The following XYLT1 variants were observed in gnomAD, a reference collection of about 807,000 sequenced individuals.
The protein encoded by XYLT1 is beta-D-xylosyltransferase 1.
XYLT1 carries 36 observed loss-of-function variants against 91.3 expected under a neutral mutation model. The ratio of observed to expected loss-of-function variants is 0.39; its 90% CI spans 0.30 to 0.52. The LOEUF (loss-of-function observed/expected upper bound fraction) is 0.52. Among genes scored for constraint, XYLT1 ranks in the 20% least tolerant of loss-of-function variants. XYLT1 has a pLI of 0.68. For missense variants in XYLT1, 1,242 were observed against 1,284.5 expected, an observed-to-expected ratio of 0.97 and a Z score of 0.51; for synonymous variants, 588 against 532.0, an observed-to-expected ratio of 1.11 and a Z score of -1.45.
At chr16:17,339,883 C>T (rs1294180443) in intron 2 of XYLT1, among the ~76,000 whole-genome samples, 1 of 151,540 alleles carries the variant, frequency 6.6e-6, no homozygotes, top group African/African-American at 2.4e-5. Context: ...TCTGTGTATC[C>T]ATCATCATCC....
chr16:17,219,768 C>G (rs1444567955), intron 3 of XYLT1, among the ~76,000 whole-genome samples: 1 of 152,134 alleles, frequency 6.6e-6, no homozygotes, highest in African/African-American at 2.4e-5. Context: ...GTGGCTCACG[C>G]CTGTAATTCC....
chr16:17,420,218 C>T (rs991935923), intron 1 of XYLT1, among the ~76,000 whole-genome samples: 31 of 152,028 alleles, frequency 2.0e-4, no homozygotes, highest in African/African-American at 7.0e-4. Context: ...CTAGGTAATG[C>T]TAGAGTTATA....
intron 1 of XYLT1, among the ~76,000 whole-genome samples, chr16:17,417,666 T>C (rs1434595625): frequency 6.6e-6 from 1 of 152,246 alleles, no homozygotes; most frequent in African/African-American, 2.4e-5. Context: ...AGATTCAAGA[T>C]GGCTTCAAAT....
chr16:17,153,151 T>C (rs1324254018), intron 6 of XYLT1, among the ~76,000 whole-genome samples: 1 of 152,226 alleles, frequency 6.6e-6, no homozygotes, highest in Non-Finnish European at 1.5e-5. Context: ...ATCATCAACT[T>C]AATAGGCGCA....
At chr16:17,448,828 T>G (rs1016290840) in intron 1 of XYLT1, among the ~76,000 whole-genome samples, 2 of 152,110 alleles carry the variant, frequency 1.3e-5, no homozygotes, top group Non-Finnish European at 2.9e-5. Flanking sequence ...CCAGACACTG[T>G]GCTAAATGAG....
chr16:17,433,896 T>C (rs1307342532), intron 1 of XYLT1, among the ~76,000 whole-genome samples: 1 of 152,188 alleles, frequency 6.6e-6, no homozygotes, highest in African/African-American at 2.4e-5. Context: ...CGCTTTTTTT[T>C]CCTTCATTCC....
In XYLT1 at chr16:17,365,070, G is replaced by A. The variant is rs547189384; in HGVS notation, c.364-7020C>T. On this transcript the variant is annotated intron_variant, in intron 1 of 11. Transcript: ENST00000261381. ...CAGCCATCAAGTGTCGGATGCATGC[G>A]TGAAACTCTTAAGAGCGTTGGTGTT... 2.6e-5 allele frequency among the ~76,000 whole-genome samples: 4 copies of A among 152,276 alleles called. No homozygotes were observed. The South Asian group carries it at 6.2e-4, about 24-fold the overall frequency.
At position 17,216,947 on chromosome 16, in the gene XYLT1, T is replaced by A. The variant is rs369706134; in HGVS notation, c.914-16293A>T. Among the ~76,000 whole-genome samples, 188 of 152,322 alleles carry A rather than the reference T, an allele frequency of 1.2e-3. 3 individuals carry two copies. The South Asian group carries it at 0.036, about 29-fold the overall frequency. On this transcript the variant is annotated intron_variant, in intron 3 of 11. Coordinates refer to ENST00000261381, the MANE Select transcript of XYLT1 (RefSeq NM_022166.4). ...GCAATAGTCAACACAACATTTGGTT[T>A]TGCTCCTAGAGGGCAGGGATGGTGT... is the stretch of plus-strand genomic sequence containing the variant.
At chr16:17,206,105 CTGAT>C (rs143508309) in intron 3 of XYLT1, among the ~76,000 whole-genome samples, 132 of 152,270 alleles carry the variant, frequency 8.7e-4, no homozygotes, top group African/African-American at 3.1e-3. Flanking sequence ...CCGCCCCTCT[CTGAT>C]TGTCAGTTCT....
chr16:17,412,633 A>C (rs563046657), intron 1 of XYLT1, among the ~76,000 whole-genome samples: 1 of 152,194 alleles, frequency 6.6e-6, no homozygotes, highest in Non-Finnish European at 1.5e-5. Flanking sequence ...AGATTCTAAG[A>C]CATCAAAGTT....
rs1014397001 is a variant in XYLT1, at chr16:17,107,346, G to A, written c.*1349C>T. ...AAGGGAATCCCATCATTCAGGGGAG[G>A]TGGGATTACAGGAGCAAGGGAGGCC... is the stretch of plus-strand genomic sequence containing the variant. On this transcript the variant is annotated 3_prime_UTR_variant, in exon 12 of 12. Transcript: ENST00000261381. 1.3e-5 allele frequency: 2 copies of A among 152,164 alleles called. No individual in the cohort carries two copies. The highest frequency in any genetic ancestry group is 4.8e-5 in the African/African-American group (2 of 41,424). 9.4% of individuals were successfully genotyped at this position (152,164 alleles called of 1,614,324 possible).
chr16:17,141,543 G>A (rs140039132), intron 6 of XYLT1, among the ~76,000 whole-genome samples, 174 bp from the exon 7 acceptor site: 1 of 152,176 alleles, frequency 6.6e-6, no homozygotes, highest in Non-Finnish European at 1.5e-5. Flanking sequence ...CCCCACAAGT[G>A]AGGCATGTCA....
chr16:17,362,037 C>T (rs937943155), intron 1 of XYLT1, among the ~76,000 whole-genome samples: 4 of 152,100 alleles, frequency 2.6e-5, no homozygotes, highest in Admixed American at 6.5e-5. Flanking sequence ...GTAACCTGTC[C>T]GAGTCACACA....
At chr16:17,236,609 G>A (rs1022221425) in intron 3 of XYLT1, among the ~76,000 whole-genome samples, 13 of 152,170 alleles carry the variant, frequency 8.5e-5, no homozygotes, top group Admixed American at 2.6e-4. Context: ...TCATAGTGCC[G>A]GAGGCTGGAG....
chr16:17,103,598 CTTTTGTTTTG>C lies in XYLT1; in HGVS notation c.*5087_*5096del, dbSNP rs1246330494. ...CATTTCAAAAAGGAGAAACCTAAGGCTTTTGTTTTGTTTTGTTTTGTTTTTGAAGGAGGGA... is the reference window on the plus strand; with the variant it reads ...CATTTCAAAAAGGAGAAACCTAAGGCTTTTGTTTTGTTTTTGAAGGAGGGA... On this transcript the variant is annotated 3_prime_UTR_variant, in exon 12 of 12. Coordinates refer to ENST00000261381, the MANE Select transcript of XYLT1 (RefSeq NM_022166.4). 2 of 152,162 alleles carry C rather than the reference CTTTTGTTTTG, an allele frequency of 1.3e-5. No individual in the cohort carries two copies. The highest frequency in any genetic ancestry group is 1.9e-4 in the East Asian group (1 of 5,160). The allele number at this position is 152,162 out of a possible 1,614,324, so 9.4% of individuals were successfully genotyped here.
In XYLT1 at chr16:17,455,764, A is replaced by G. The variant is rs531248358; in HGVS notation, c.363+14670T>C. Among the ~76,000 whole-genome samples the G allele has an allele frequency of 1.1e-4, 16 of 152,282 alleles. No individual in the cohort carries two copies. The East Asian group carries it at 3.1e-3, about 29-fold the overall frequency. ...GCGTCTGCGCATAAAGATGATGTTCACCCAATTACCAGCGACTCCTCGCAT... is the reference window on the plus strand; with the variant it reads ...GCGTCTGCGCATAAAGATGATGTTCGCCCAATTACCAGCGACTCCTCGCAT... On this transcript the variant is annotated intron_variant, in intron 1 of 11. Transcript: ENST00000261381.
At chr16:17,276,768 T>C (rs1407945924) in intron 2 of XYLT1, among the ~76,000 whole-genome samples, 1 of 152,176 alleles carries the variant, frequency 6.6e-6, no homozygotes, top group African/African-American at 2.4e-5. Context: ...GAGTCACTCT[T>C]GAGGATCTGA....
chr16:17,253,753 C>A (rs2033581239), intron 3 of XYLT1, among the ~76,000 whole-genome samples: 1 of 151,912 alleles, frequency 6.6e-6, no homozygotes, highest in Non-Finnish European at 1.5e-5. Context: ...CCACCCCAGG[C>A]TCTTAAGCAC....
At chr16:17,223,347 T>C (rs2033005789) in intron 3 of XYLT1, among the ~76,000 whole-genome samples, 1 of 152,228 alleles carries the variant, frequency 6.6e-6, no homozygotes, top group African/African-American at 2.4e-5. Context: ...GGGAAGCAAC[T>C]CTGGGCAGAG....
Sources: gnomAD v4.1 joint callset for allele counts (sites outside exome capture counted in the v4.1 genomes callset) on GRCh38, gnomAD v4.1.1 for gene constraint, MANE v1.5 for transcripts, NCBI Gene and HGNC (gene_info 2026-07-23, HGNC 2026-07-21) for gene names.